ABCC1: variants seen among roughly 807,000 people sequenced by gnomAD.
ABCC1 encodes the protein multidrug resistance-associated protein 1.
A neutral mutation model predicts 172.9 loss-of-function variants in ABCC1; 83 were observed. The observed-to-expected ratio is 0.48, with a 90% CI of 0.40 to 0.58. ABCC1 has a LOEUF of 0.58. ABCC1 is among the 20% of genes least tolerant of loss of function. The probability of loss-of-function intolerance (pLI) is 0.00; values close to 1 mark genes in which losing one functional copy is unlikely to be tolerated. For missense variants in ABCC1, 1,817 were observed against 2,002.7 expected, an observed-to-expected ratio of 0.91 and a Z score of 1.77; for synonymous variants, 937 against 825.2, an observed-to-expected ratio of 1.14 and a Z score of -2.32.
At chr16:16,139,801 G>T (rs1242139987) in intron 30 of ABCC1, among the ~76,000 whole-genome samples, 2 of 152,050 alleles carry the variant, frequency 1.3e-5, no homozygotes, top group Non-Finnish European at 2.9e-5. Flanking sequence ...TTTTGTGTGG[G>T]TCATCTCTGA....
chr16:16,006,268 T>A (rs1446651162), intron 1 of ABCC1, among the ~76,000 whole-genome samples: 1 of 152,002 alleles, frequency 6.6e-6, no homozygotes, highest in Non-Finnish European at 1.5e-5. Flanking sequence ...AAATTTAAAT[T>A]CTTCAGCTGG....
intron 10 of ABCC1, among the ~76,000 whole-genome samples, chr16:16,051,869 A>G (rs1319669816): frequency 1.3e-5 from 2 of 152,210 alleles, no homozygotes; most frequent in Non-Finnish European, 2.9e-5. Flanking sequence ...ACTTGTAAGC[A>G]GCCTTCAAGC....
intron 1 of ABCC1, among the ~76,000 whole-genome samples, chr16:15,952,381 T>C (rs1007186610): frequency 9.9e-5 from 15 of 152,064 alleles, no homozygotes; most frequent in Non-Finnish European, 1.9e-4. Context: ...ACCAAGGTCA[T>C]GTGCTTAGAA....
At chr16:15,994,491 G>A (rs2046985127) in intron 1 of ABCC1, among the ~76,000 whole-genome samples, 1 of 152,116 alleles carries the variant, frequency 6.6e-6, no homozygotes, top group African/African-American at 2.4e-5. Flanking sequence ...TGTGCCTGGC[G>A]TGATCACTCT....
intron 19 of ABCC1, chr16:16,095,236 G>A (rs1017427446): frequency 2.6e-5 from 4 of 152,218 alleles, no homozygotes; most frequent in Non-Finnish European, 5.9e-5. Context: ...AAGCCCCTTA[G>A]GGGAACAAAT....
At chr16:16,139,611 C>CAAAA (rs386384360) in intron 30 of ABCC1, among the ~76,000 whole-genome samples, 2,703 of 57,280 alleles carry the variant, frequency 0.047, 522 homozygotes, top group African/African-American at 0.16. Flanking sequence ...GACTCCATCT[C>CAAAA]AAAAAAAAAA....
intron 1 of ABCC1, among the ~76,000 whole-genome samples, chr16:15,967,758 C>CA (rs11287273): frequency 0.011 from 1,322 of 123,062 alleles, 39 homozygotes; most frequent in Admixed American, 0.064. Context: ...GCACTGTCTC[C>CA]AAAAAAAAAA....
chr16:16,001,183 A>G (rs1174917961), intron 1 of ABCC1, among the ~76,000 whole-genome samples: 2 of 152,120 alleles, frequency 1.3e-5, no homozygotes, highest in East Asian at 1.9e-4. Context: ...GGAAGGCCTC[A>G]TGGATCACTG....
intron 1 of ABCC1, among the ~76,000 whole-genome samples, chr16:15,960,734 A>G (rs1391623047): frequency 6.6e-6 from 1 of 152,128 alleles, no homozygotes; most frequent in Non-Finnish European, 1.5e-5. Flanking sequence ...GGAGTCCCAG[A>G]GTGGGAAGAG....
intron 28 of ABCC1, among the ~76,000 whole-genome samples, chr16:16,136,059 A>G (rs941348650): frequency 1.3e-5 from 2 of 149,796 alleles, no homozygotes; most frequent in African/African-American, 4.9e-5. Flanking sequence ...TTTTGGAGAT[A>G]GAGTCTTGCT....
chr16:16,108,107 C>T (rs531985960), intron 21 of ABCC1, among the ~76,000 whole-genome samples: 1 of 152,058 alleles, frequency 6.6e-6, no homozygotes, highest in South Asian at 2.1e-4. Context: ...AGAAGTTACC[C>T]CAAATCGCAG....
rs1171133079 is a variant in ABCC1, at chr16:16,114,762, G to T, written c.3080-4G>T. ...TGTGGAGTTTTAACTCCGAGTGTCT[G>T]CAGGGATCGCCGTGTTTGGCTACTC... On this transcript the variant is annotated splice_region_variant and splice_polypyrimidine_tract_variant and intron_variant, in intron 22 of 30. Transcript: ENST00000399410. 1.3e-6 allele frequency: 2 copies of T among 1,587,964 alleles called. No homozygotes were observed. Among genetic ancestry groups the T allele is most frequent in the East Asian group, 4.5e-5 (2 of 44,360 alleles).
rs1023307389 is a variant in ABCC1 at position 16,079,522 on chromosome 16, G to T, written c.2115+44G>T. 1.9e-6 allele frequency: 3 copies of T among 1,585,234 alleles called. No homozygotes were observed. The African/African-American group carries it at 4.0e-5, about 21-fold the overall frequency. On this transcript the variant is annotated intron_variant, in intron 16 of 30. Coordinates refer to ENST00000399410, the MANE Select transcript of ABCC1 (RefSeq NM_004996.4). ...GGGAGGGGCAGTGGGGAAGCTGGTG[G>T]TCTGAGGAAAAGCTCAGAAATGATG...
At chr16:15,985,820 A>G (rs1162603568) in intron 1 of ABCC1, among the ~76,000 whole-genome samples, 1 of 151,958 alleles carries the variant, frequency 6.6e-6, no homozygotes, top group African/African-American at 2.4e-5. Context: ...AGTTCTCGGG[A>G]GTCAGAGGTC....
At chr16:16,030,044 C>T (rs751202885) in intron 5 of ABCC1, among the ~76,000 whole-genome samples, 1 of 152,018 alleles carries the variant, frequency 6.6e-6, no homozygotes, top group Non-Finnish European at 1.5e-5. Context: ...CTGTGGTGAT[C>T]GAATAAATGA....
At chr16:16,013,428 G>C (rs1428857398) in intron 3 of ABCC1, among the ~76,000 whole-genome samples, 1 of 151,552 alleles carries the variant, frequency 6.6e-6, no homozygotes, top group South Asian at 2.1e-4. Context: ...ATGCCACCAC[G>C]CCTGGCTAAT....
At chr16:16,078,794 A>C (rs2050690533) in intron 15 of ABCC1, among the ~76,000 whole-genome samples, 1 of 152,150 alleles carries the variant, frequency 6.6e-6, no homozygotes, top group Admixed American at 6.5e-5. Flanking sequence ...CTTGTGCCTC[A>C]GCCTCCTCAG....
chr16:16,006,666 T>C (rs572452253), intron 1 of ABCC1, among the ~76,000 whole-genome samples: 108 of 152,260 alleles, frequency 7.1e-4, no homozygotes, highest in African/African-American at 2.6e-3. Context: ...CGAGTTTGAA[T>C]TCAGCTCCAG....
At chr16:16,042,663 A>G (rs2049021275) in intron 7 of ABCC1, among the ~76,000 whole-genome samples, 1 of 151,074 alleles carries the variant, frequency 6.6e-6, no homozygotes. Context: ...GGATCGCACC[A>G]TTGCACTCCA....
Sources: allele counts gnomAD v4.1 joint callset (sites outside exome capture counted in the v4.1 genomes callset), GRCh38; gene constraint gnomAD v4.1.1; transcripts MANE v1.5; gene names NCBI Gene and HGNC (gene_info 2026-07-23, HGNC 2026-07-21).